Variants in PDE3B observed in about 807,000 individuals in gnomAD.
PDE3B encodes cGMP-inhibited 3',5'-cyclic phosphodiesterase 3B.
In PDE3B, 66 loss-of-function variants were observed where a neutral mutation model predicts 116.8. That is an observed-to-expected ratio of 0.56 (90% CI 0.46 to 0.69). The LOEUF (loss-of-function observed/expected upper bound fraction) is 0.69, where lower values mean the gene tolerates loss of function less well. Ranked by LOEUF, PDE3B falls within the 30% of genes least tolerant of loss-of-function variation. The pLI is 0.00. For synonymous variants in PDE3B, 595 were observed against 533.6 expected (o/e 1.12, Z -1.59); for missense variants, 1,384 against 1,368.1 (o/e 1.01, Z -0.18).
chr11:14,802,208 C>T (rs191774658), intron 4 of PDE3B, among the ~76,000 whole-genome samples: 11 of 152,298 alleles, frequency 7.2e-5, no homozygotes, highest in African/African-American at 9.6e-5. Flanking sequence ...ACAAAAAAAA[C>T]TCTTGCAGCT....
chr11:14,820,832 G>A (rs1345040378), intron 7 of PDE3B, among the ~76,000 whole-genome samples: 4 of 152,158 alleles, frequency 2.6e-5, no homozygotes, highest in Non-Finnish European at 5.9e-5. Flanking sequence ...CCTGATATCA[G>A]ACGTCCAGCT....
chr11:14,806,596 ATGC>A (rs921938944), intron 5 of PDE3B, among the ~76,000 whole-genome samples: 9 of 151,944 alleles, frequency 5.9e-5, no homozygotes, highest in Admixed American at 5.2e-4. Context: ...GCGGTGGCTC[ATGC>A]CTGTAATCCC....
intron 2 of PDE3B, among the ~76,000 whole-genome samples, chr11:14,781,860 G>A (rs959239512): frequency 1.3e-5 from 2 of 152,174 alleles, no homozygotes; most frequent in Non-Finnish European, 2.9e-5. Context: ...TAGGAAAAGA[G>A]GAAGTCAAAT....
At chr11:14,824,579 C>CA (rs1206123906) in intron 7 of PDE3B, among the ~76,000 whole-genome samples, 1 of 152,004 alleles carries the variant, frequency 6.6e-6, no homozygotes. Context: ...GAAAGTAAGA[C>CA]AAAAATTATT....
At chr11:14,893,098 A>G in the PDE3B span, among the ~76,000 whole-genome samples, 9 of 152,226 alleles carry the variant, frequency 5.9e-5, no homozygotes, top group East Asian at 1.7e-3. Flanking sequence ...TATGGTCCTC[A>G]TTAGCTTACG....
Position 14,644,221 on chromosome 11 carries a change from TC to T in PDE3B, c.148del (p.His50ThrfsTer63), listed in dbSNP as rs1201001845. ...LRQDPPRGFF[F>X]HLCRFCNVEL... ...CAGGACCCTCCGCGCGGCTTCTTCT[TC>T]CACCTCTGCCGCTTCTGCAACGTGG... is the stretch of plus-strand genomic sequence containing the variant. On this transcript the variant is annotated frameshift_variant, in exon 1 of 16. Transcript: ENST00000282096. LOFTEE classifies it high-confidence loss of function. The T allele has an allele frequency of 6.3e-7, 1 of 1,590,932 alleles. No homozygotes were observed. The highest frequency in any genetic ancestry group is 2.3e-5 in the East Asian group (1 of 43,520).
chr11:14,818,112 AAT>A, intron 5 of PDE3B, 69 bp from the exon 6 acceptor site: 2 of 1,004,828 alleles, frequency 2.0e-6, no homozygotes, highest in East Asian at 5.3e-5. Flanking sequence ...TAAAAACACA[AAT>A]ATATTTAATA....
rs746311720 is a variant in PDE3B, at chr11:14,644,529, T to G, written c.454T>G (p.Trp152Gly). The G allele has an allele frequency of 1.9e-6, 3 of 1,605,180 alleles. No individual in the cohort carries two copies. Among genetic ancestry groups the G allele is most frequent in the South Asian group, 1.1e-5 (1 of 89,868 alleles). ...GPGPGRSCGS[W>G]WLLALPACCY... ...CGGCCCGGGCCGGAGCTGCGGCTCC[T>G]GGTGGCTGCTGGCGCTGCCCGCCTG... The change falls in exon 1 of 16, where the codon TGG becomes GGG. Residue 152 changes from tryptophan to glycine, a missense_variant. Around this residue, in one of 2 missense-constraint regions of PDE3B, gnomAD observed 956 missense variants for 806.8 expected, o/e 1.18. Coordinates refer to ENST00000282096, the MANE Select transcript of PDE3B (RefSeq NM_000922.4).
At chr11:14,824,985 TA>T (rs746612159) in intron 7 of PDE3B, among the ~76,000 whole-genome samples, 5,014 of 142,726 alleles carry the variant, frequency 0.035, 268 homozygotes, top group African/African-American at 0.11. Flanking sequence ...TCAACATTCT[TA>T]AAAAAAAAAA....
chr11:14,761,824 T>A (rs1233832312), intron 1 of PDE3B, among the ~76,000 whole-genome samples: 1 of 152,194 alleles, frequency 6.6e-6, no homozygotes, highest in Non-Finnish European at 1.5e-5. Flanking sequence ...ACTGGACTAA[T>A]TTCTATCTGA....
In PDE3B at chr11:14,644,113, C is replaced by T. The variant is rs1590022435; in HGVS notation, c.38C>T (p.Ser13Phe). 1.3e-6 allele frequency: 2 copies of T among 1,576,828 alleles called. No individual in the cohort carries two copies. Among genetic ancestry groups the T allele is most frequent in the East Asian group, 2.3e-5 (1 of 43,020 alleles). Residue 13 changes from serine (S) to phenylalanine (F), a missense_variant, in exon 1 of 16, where the codon TCC (serine) becomes TTC (phenylalanine). Physicochemically the swap from Ser to Phe is radical, Grantham distance 155. Transcript: ENST00000282096. ...RDERDAKAMR[S>F]LQPPDGAGSP... ...GAGCGAGACGCCAAAGCCATGCGGT[C>T]CCTGCAGCCGCCGGATGGGGCCGGC...
the PDE3B span, among the ~76,000 whole-genome samples, chr11:14,890,705 C>T: frequency 3.3e-5 from 5 of 151,904 alleles, no homozygotes; most frequent in African/African-American, 1.2e-4. Context: ...CGCCACCACG[C>T]CCGGCTAATT....
At chr11:14,752,996 G>C (rs28553464) in intron 1 of PDE3B, among the ~76,000 whole-genome samples, 5 of 151,968 alleles carry the variant, frequency 3.3e-5, no homozygotes, top group African/African-American at 7.2e-5. Flanking sequence ...AAACTACTTA[G>C]TCTTCAGGTA....
chr11:14,895,862 A>G, the PDE3B span, among the ~76,000 whole-genome samples: 1 of 152,338 alleles, frequency 6.6e-6, no homozygotes, highest in Non-Finnish European at 1.5e-5. Flanking sequence ...ATTTAATCCC[A>G]CATTTACAGG....
intron 5 of PDE3B, 100 bp from the exon 6 acceptor site, chr11:14,818,083 T>TA: frequency 1.3e-6 from 1 of 784,382 alleles, no homozygotes; most frequent in Non-Finnish European, 2.0e-6. Context: ...CTGCTTTTTT[T>TA]AAATAAGGAA....
At chr11:14,860,456 T>C (rs1344301828) in intron 13 of PDE3B, among the ~76,000 whole-genome samples, 1 of 152,172 alleles carries the variant, frequency 6.6e-6, no homozygotes, top group Non-Finnish European at 1.5e-5. Context: ...GCTCATTCTT[T>C]TCATTTTTTA....
intron 1 of PDE3B, among the ~76,000 whole-genome samples, chr11:14,705,158 A>G (rs1855491690): frequency 6.6e-6 from 1 of 151,726 alleles, no homozygotes; most frequent in South Asian, 2.1e-4. Context: ...TCTCCTAGGT[A>G]TTTATCCAAG....
chr11:14,895,486 A>G, the PDE3B span, among the ~76,000 whole-genome samples: 1 of 152,184 alleles, frequency 6.6e-6, no homozygotes, highest in African/African-American at 2.4e-5. Flanking sequence ...CCCAAGGTGA[A>G]TTTCTCACTT....
intron 5 of PDE3B, among the ~76,000 whole-genome samples, chr11:14,804,760 T>A (rs1195993982): frequency 6.6e-6 from 1 of 152,040 alleles, no homozygotes; most frequent in African/African-American, 2.4e-5. Flanking sequence ...AAAATAACAA[T>A]GATGTTTAAA....
Sources: gnomAD v4.1 joint callset for allele counts (sites outside exome capture counted in the v4.1 genomes callset) on GRCh38, gnomAD v4.1.1 for gene constraint, gnomAD v4.1.1 regional missense constraint, MANE v1.5 for transcripts, NCBI Gene and HGNC (gene_info 2026-07-23, HGNC 2026-07-21) for gene names.